Variants in ABHD3 observed in about 807,000 individuals in gnomAD.
ABHD3 encodes abhydrolase domain containing 3, phospholipase.
A neutral mutation model predicts 48.8 loss-of-function variants in ABHD3; 46 were observed. The observed-to-expected ratio is 0.94, with a 90% confidence interval of 0.74 to 1.20. ABHD3 has a LOEUF of 1.20. ABHD3 is among the 50% of genes most tolerant of loss of function. The probability of loss-of-function intolerance (pLI) is 0.00; values close to 1 mark genes in which losing one functional copy is unlikely to be tolerated. For synonymous variants in ABHD3, 192 were observed against 183.7 expected (o/e 1.04, Z -0.36); for missense variants, 490 against 497.8 (o/e 0.98, Z 0.15).
Position 21,704,687 on chromosome 18 carries a change from G to C in ABHD3, c.-22C>G, listed in dbSNP as rs756560579. ...GCATGGCCCCCGAGCGCGGCGCGCG[G>C]GTCCTGCGGCGGGAGGAGAGCCGGC... On this transcript the variant is annotated 5_prime_UTR_variant, in exon 1 of 9. Coordinates refer to ENST00000289119, the MANE Select transcript of ABHD3 (RefSeq NM_138340.5). The C allele has an allele frequency of 5.5e-6, 8 of 1,449,744 alleles. No homozygotes were observed. In the South Asian group the frequency reaches 1.1e-4, roughly 21 times the overall value. 89.8% of individuals were successfully genotyped at this position (1,449,744 alleles called of 1,614,324 possible).
intron 3 of ABHD3, among the ~76,000 whole-genome samples, chr18:21,697,543 C>T (rs1364991128): frequency 6.6e-6 from 1 of 152,076 alleles, no homozygotes; most frequent in Non-Finnish European, 1.5e-5. Context: ...TGATGCCCGG[C>T]TAATTGTTTG....
chr18:21,657,630 A>G (rs1003386982), intron 6 of ABHD3, among the ~76,000 whole-genome samples: 4 of 152,034 alleles, frequency 2.6e-5, no homozygotes, highest in Non-Finnish European at 1.5e-5. Flanking sequence ...GATTATAAGC[A>G]TGAGCCACCT....
intron 8 of ABHD3, among the ~76,000 whole-genome samples, chr18:21,655,243 G>T (rs1283969265): frequency 6.6e-6 from 1 of 151,690 alleles, no homozygotes; most frequent in African/African-American, 2.4e-5. Context: ...GAAGTATTTG[G>T]GGAAAATGGT....
At chr18:21,660,308 A>G (rs1016298845) in intron 5 of ABHD3, among the ~76,000 whole-genome samples, 2 of 151,718 alleles carry the variant, frequency 1.3e-5, no homozygotes, top group African/African-American at 4.8e-5. Flanking sequence ...GGATCCTTGC[A>G]CCCTGTGGCA....
At chr18:21,684,892 G>T (rs1366063855) in intron 3 of ABHD3, among the ~76,000 whole-genome samples, 1 of 152,196 alleles carries the variant, frequency 6.6e-6, no homozygotes, top group Non-Finnish European at 1.5e-5. Flanking sequence ...CTCTGATCCT[G>T]TTTGCATCTG....
intron 4 of ABHD3, among the ~76,000 whole-genome samples, chr18:21,677,245 C>T (rs1018051890): frequency 4.6e-5 from 7 of 152,046 alleles, no homozygotes; most frequent in Non-Finnish European, 8.8e-5. Flanking sequence ...CCCAGGCTGG[C>T]GTGCAGTGGC....
At chr18:21,679,362 T>A in intron 4 of ABHD3, among the ~76,000 whole-genome samples, 1 of 152,282 alleles carries the variant, frequency 6.6e-6, no homozygotes, top group East Asian at 1.9e-4. Flanking sequence ...AATAAGGATG[T>A]AGAATAACCA....
At chr18:21,703,403 G>T (rs1254667909) in intron 2 of ABHD3, among the ~76,000 whole-genome samples, 181 bp downstream of exon 2, 1 of 152,094 alleles carries the variant, frequency 6.6e-6, no homozygotes, top group Admixed American at 6.6e-5. Flanking sequence ...AATACCTGCA[G>T]CTGGGGTATT....
intron 4 of ABHD3, among the ~76,000 whole-genome samples, chr18:21,664,799 T>TA (rs1269392817): frequency 1.3e-5 from 2 of 151,992 alleles, no homozygotes; most frequent in African/African-American, 2.4e-5. Flanking sequence ...AACAGATTTT[T>TA]AAAAAAATGT....
chr18:21,660,034 T>C (rs1384591978), intron 5 of ABHD3, among the ~76,000 whole-genome samples: 1 of 144,108 alleles, frequency 6.9e-6, no homozygotes, highest in Non-Finnish European at 1.5e-5. Context: ...CAATCACACC[T>C]TAGGGCAGCC....
intron 8 of ABHD3, among the ~76,000 whole-genome samples, chr18:21,655,259 T>A (rs2039317073): frequency 6.6e-6 from 1 of 151,580 alleles, no homozygotes; most frequent in African/African-American, 2.4e-5. Context: ...ATGGTTTTAA[T>A]GCATTGAGGG....
Position 21,680,405 on chromosome 18 carries a change from A to T in ABHD3, c.555+3515T>A, listed in dbSNP as rs74445109. 9.6e-3 allele frequency among the ~76,000 whole-genome samples: 1,460 copies of T among 152,320 alleles called. 26 individuals carry two copies. The highest frequency in any genetic ancestry group is 0.034 in the African/African-American group (1,402 of 41,574). On this transcript the variant is annotated intron_variant, in intron 4 of 8. Coordinates refer to ENST00000289119, the MANE Select transcript of ABHD3 (RefSeq NM_138340.5). The stretch of plus-strand genomic sequence containing the variant: ...TTCAGTTAAGAAAAAGAGAAACAGA[A>T]AGGTTATTTGACTTGTACTTTATCA...
chr18:21,659,418 CTT>C, intron 5 of ABHD3, 75 bp from the exon 6 acceptor site: 1 of 1,441,152 alleles, frequency 6.9e-7, no homozygotes, highest in Non-Finnish European at 9.4e-7. Flanking sequence ...TAACTACAGA[CTT>C]TATGTTAACT....
intron 4 of ABHD3, among the ~76,000 whole-genome samples, chr18:21,667,113 G>A (rs541886703): frequency 6.1e-5 from 9 of 147,398 alleles, no homozygotes; most frequent in South Asian, 2.1e-4. Flanking sequence ...TCGCTCTGTC[G>A]CCCAGGCTGG....
Position 21,651,772 on chromosome 18 carries a change from CA to C in ABHD3, c.1058-10del, listed in dbSNP as rs768303081. On this transcript the variant is annotated splice_polypyrimidine_tract_variant and intron_variant, in intron 8 of 8. Coordinates refer to ENST00000289119, the MANE Select transcript of ABHD3 (RefSeq NM_138340.5). The stretch of plus-strand genomic sequence containing the variant: ...AGTTTCTATTGGAATAGCTTCAGAC[CA>C]AAAAAAACATGGCAATAAGAGAGAA... 6.6e-5 allele frequency: 97 copies of C among 1,472,140 alleles called. No individual in the cohort carries two copies. Among genetic ancestry groups the C allele is most frequent in the Admixed American group, 1.5e-4 (6 of 41,058 alleles). 91.2% of individuals were successfully genotyped at this position (1,472,140 alleles called of 1,614,324 possible). A position where few individuals can be genotyped will look rare whatever the true frequency, so the allele number is the denominator to read the frequency against.
intron 3 of ABHD3, among the ~76,000 whole-genome samples, chr18:21,690,516 C>T (rs1012682335): frequency 4.0e-5 from 6 of 151,628 alleles, no homozygotes; most frequent in African/African-American, 9.7e-5. Context: ...GCAGGAGAAT[C>T]GCTTGAACCC....
At chr18:21,674,819 C>A (rs925400383) in intron 4 of ABHD3, among the ~76,000 whole-genome samples, 1 of 152,040 alleles carries the variant, frequency 6.6e-6, no homozygotes, top group Non-Finnish European at 1.5e-5. Flanking sequence ...CTGAATTGTG[C>A]CTTGGCTGGC....
intron 4 of ABHD3, among the ~76,000 whole-genome samples, chr18:21,671,076 T>C (rs1434299971): frequency 6.6e-6 from 1 of 152,146 alleles, no homozygotes; most frequent in African/African-American, 2.4e-5. Flanking sequence ...ACCTCACAGC[T>C]GTTCTCAATC....
rs768695536 is a variant in ABHD3, at chr18:21,664,264, C to A, written c.556-34G>T. The A allele has an allele frequency of 1.1e-5, 17 of 1,588,296 alleles. No individual in the cohort carries two copies. The African/African-American group carries it at 2.3e-4, about 21-fold the overall frequency. ...AGTGACAAGTAAAGCACAAAAATTA[C>A]AATGTGAGGTTAATGATTTGTAAAA... On this transcript the variant is annotated intron_variant, in intron 4 of 8. Coordinates refer to ENST00000289119, the MANE Select transcript of ABHD3 (RefSeq NM_138340.5).
Sources: gnomAD v4.1 joint callset for allele counts (sites outside exome capture counted in the v4.1 genomes callset) on GRCh38, gnomAD v4.1.1 for gene constraint, MANE v1.5 for transcripts, NCBI Gene and HGNC (gene_info 2026-07-23, HGNC 2026-07-21) for gene names.